The following UGT1A6 variants were observed in gnomAD, a reference collection of about 807,000 sequenced individuals.
UGT1A6 encodes the protein UDP-glucuronosyltransferase 1A6.
In UGT1A6, 32 loss-of-function variants were observed where a neutral mutation model predicts 44.4. The observed-to-expected ratio is 0.72, with a 90% confidence interval of 0.54 to 0.97. The LOEUF is 0.97. Among genes scored for constraint, UGT1A6 ranks in the 50% least tolerant of loss-of-function variants. The probability of loss-of-function intolerance (pLI) is 0.00; values close to 1 mark genes in which losing one functional copy is unlikely to be tolerated. For synonymous variants in UGT1A6, 238 were observed against 248.5 expected, an observed-to-expected ratio of 0.96 and a Z score of 0.40; for missense variants, 685 against 661.9, an observed-to-expected ratio of 1.03 and a Z score of -0.38.
At chr2:233,755,268 A>G (rs983713744) in intron 1 of UGT1A6, 4 of 766,442 alleles carry the variant, frequency 5.2e-6, no homozygotes, top group Non-Finnish European at 5.9e-6. Context: ...GTAGTCCACT[A>G]TGCTGGACTG....
chr2:233,765,207 A>G (rs1013371126), intron 1 of UGT1A6, among the ~76,000 whole-genome samples: 18 of 152,214 alleles, frequency 1.2e-4, no homozygotes, highest in Non-Finnish European at 1.5e-5. Context: ...TAGTGCCCTC[A>G]GTATTCTTTG....
chr2:233,734,943 C>G (rs2078589604), intron 1 of UGT1A6, among the ~76,000 whole-genome samples: 1 of 152,150 alleles, frequency 6.6e-6, no homozygotes, highest in Non-Finnish European at 1.5e-5. Flanking sequence ...ATCATATGGT[C>G]AGTTTTAGAA....
chr2:233,701,504 T>C (rs2075633196), intron 1 of UGT1A6, among the ~76,000 whole-genome samples: 1 of 152,122 alleles, frequency 6.6e-6, no homozygotes, highest in Non-Finnish European at 1.5e-5. Flanking sequence ...CTAATAGACA[T>C]CTACAGAACT....
At chr2:233,713,365 A>G (rs759531587) in intron 1 of UGT1A6, 3 of 1,614,078 alleles carry the variant, frequency 1.9e-6, no homozygotes, top group African/African-American at 1.3e-5. Flanking sequence ...TTGATCATAC[A>G]TAGGTCTTGT....
At chr2:233,743,463 C>G in intron 1 of UGT1A6, 1 of 1,366,450 alleles carries the variant, frequency 7.3e-7, no homozygotes, top group African/African-American at 1.5e-5. Flanking sequence ...AAAAAACACC[C>G]CCAAAAGCTG....
chr2:233,726,672 G>T (rs1443566236), intron 1 of UGT1A6, among the ~76,000 whole-genome samples: 1 of 152,112 alleles, frequency 6.6e-6, no homozygotes, highest in Non-Finnish European at 1.5e-5. Context: ...TATCTGTGAA[G>T]TCTCTTCCAC....
intron 1 of UGT1A6, among the ~76,000 whole-genome samples, chr2:233,752,171 G>A (rs1336232019): frequency 2.6e-5 from 4 of 152,222 alleles, no homozygotes; most frequent in Non-Finnish European, 2.9e-5. Context: ...AGTGTGTGAT[G>A]TAAGCTGAAT....
intron 1 of UGT1A6, chr2:233,747,878 C>A: frequency 6.2e-7 from 1 of 1,613,056 alleles, no homozygotes; most frequent in South Asian, 1.1e-5. Context: ...CCCTGTCCTA[C>A]CTTTGCCATG....
At chr2:233,724,932 T>A (rs1473409991) in intron 1 of UGT1A6, among the ~76,000 whole-genome samples, 3 of 142,946 alleles carry the variant, frequency 2.1e-5, no homozygotes, top group African/African-American at 8.1e-5. Flanking sequence ...TGAACGAGAC[T>A]CCGTCTGCAA....
chr2:233,756,969 C>T (rs1044581590), intron 1 of UGT1A6, among the ~76,000 whole-genome samples: 2 of 151,840 alleles, frequency 1.3e-5, no homozygotes, highest in African/African-American at 2.4e-5. Context: ...TTGGTAAGCA[C>T]GCAATGAACA....
intron 1 of UGT1A6, chr2:233,754,789 A>G (rs1444380130): frequency 8.4e-7 from 1 of 1,196,426 alleles, no homozygotes; most frequent in African/African-American, 1.6e-5. Context: ...AAGGAACGAA[A>G]TCCTGTATCA....
intron 1 of UGT1A6, chr2:233,753,700 T>A (rs1032888616): frequency 6.6e-6 from 1 of 152,228 alleles, no homozygotes; most frequent in African/African-American, 2.4e-5. Context: ...CAGATGCACT[T>A]GGCTTTCATC....
intron 1 of UGT1A6, among the ~76,000 whole-genome samples, chr2:233,745,899 C>T (rs1385989296): frequency 1.3e-5 from 2 of 151,320 alleles, no homozygotes; most frequent in Non-Finnish European, 2.9e-5. Context: ...TGGCGTTTTT[C>T]AGGGAGCAGC....
At chr2:233,766,486 C>T (rs562758025) in intron 1 of UGT1A6, among the ~76,000 whole-genome samples, 29 of 152,240 alleles carry the variant, frequency 1.9e-4, no homozygotes, top group African/African-American at 6.5e-4. Flanking sequence ...ATGATGGGGG[C>T]GTGGCAGGCC....
intron 1 of UGT1A6, chr2:233,743,681 C>A: frequency 7.3e-7 from 1 of 1,367,264 alleles, no homozygotes; most frequent in Non-Finnish European, 9.8e-7. Flanking sequence ...GGGCCTGCCG[C>A]CTGTGCAGCC....
intron 1 of UGT1A6, among the ~76,000 whole-genome samples, chr2:233,700,828 C>T (rs1333219012): frequency 2.0e-5 from 3 of 151,942 alleles, no homozygotes; most frequent in Non-Finnish European, 2.9e-5. Flanking sequence ...CCCATTAACT[C>T]GTCATTTAGC....
chr2:233,766,884 A>C, intron 1 of UGT1A6, 150 bp from the exon 2 acceptor site: 4 of 1,457,402 alleles, frequency 2.7e-6, no homozygotes, highest in Non-Finnish European at 3.6e-6. Context: ...ATGCTGTAAA[A>C]CTTACATATT....
At chr2:233,710,721 A>T (rs1037353062) in intron 1 of UGT1A6, among the ~76,000 whole-genome samples, 4 of 152,174 alleles carry the variant, frequency 2.6e-5, no homozygotes, top group African/African-American at 9.7e-5. Flanking sequence ...TCATTTTTTA[A>T]AAAACAACGT....
chr2:233,712,348 G>A (rs2076227987), intron 1 of UGT1A6, among the ~76,000 whole-genome samples: 1 of 152,170 alleles, frequency 6.6e-6, no homozygotes, highest in African/African-American at 2.4e-5. Context: ...ATCACATCTT[G>A]AGCTCAGCCT....
Sources: allele counts gnomAD v4.1 joint callset (sites outside exome capture counted in the v4.1 genomes callset), GRCh38; gene constraint gnomAD v4.1.1; transcripts MANE v1.5; gene names NCBI Gene and HGNC (gene_info 2026-07-23, HGNC 2026-07-21).